NEK10: variants seen among roughly 807,000 people sequenced by gnomAD.
NEK10 encodes the protein serine/threonine-protein kinase Nek10.
NEK10 carries 122 observed loss-of-function variants against 159.8 expected under a neutral mutation model. That is an observed-to-expected ratio of 0.76 (90% CI 0.66 to 0.89). The LOEUF (loss-of-function observed/expected upper bound fraction) is 0.89. Ranked by LOEUF, NEK10 falls within the 40% of genes least tolerant of loss-of-function variation. The probability of loss-of-function intolerance (pLI) is 0.00; values close to 1 mark genes in which losing one functional copy is unlikely to be tolerated. For missense variants in NEK10, 1,342 were observed against 1,323.1 expected, an observed-to-expected ratio of 1.01 and a Z score of -0.22; for synonymous variants, 466 against 457.1, an observed-to-expected ratio of 1.02 and a Z score of -0.25.
At chr3:27,322,004 G>A (rs1041033399) in intron 6 of NEK10, among the ~76,000 whole-genome samples, 173 bp downstream of exon 6, 6 of 152,266 alleles carry the variant, frequency 3.9e-5, no homozygotes, top group Admixed American at 1.3e-4. Flanking sequence ...CCATTAAAGC[G>A]CTCCTCTCAA....
chr3:27,141,394 T>A (rs1943771788), intron 31 of NEK10, 88 bp downstream of exon 31: 7 of 962,096 alleles, frequency 7.3e-6, no homozygotes, highest in Middle Eastern at 2.2e-4. Context: ...AAGAATTCAA[T>A]CTAAAGTCCT....
At chr3:27,191,018 C>A (rs1949064663) in intron 26 of NEK10, among the ~76,000 whole-genome samples, 1 of 152,172 alleles carries the variant, frequency 6.6e-6, no homozygotes, top group African/African-American at 2.4e-5. Context: ...GAAAGAGTTT[C>A]CTTCCCAAAT....
chr3:27,259,629 G>GTA (rs1285767064), intron 22 of NEK10, among the ~76,000 whole-genome samples: 7 of 152,278 alleles, frequency 4.6e-5, no homozygotes, highest in African/African-American at 1.7e-4. Flanking sequence ...TAGCCTTGTA[G>GTA]TATAGTTTGA....
At chr3:27,159,816 T>A (rs1945840437) in intron 30 of NEK10, among the ~76,000 whole-genome samples, 1 of 151,860 alleles carries the variant, frequency 6.6e-6, no homozygotes, top group South Asian at 2.1e-4. Flanking sequence ...GTTCAGCTTT[T>A]AGGAGTACCA....
intron 23 of NEK10, among the ~76,000 whole-genome samples, chr3:27,219,874 T>A (rs1006254174): frequency 6.6e-6 from 1 of 152,164 alleles, no homozygotes; most frequent in Non-Finnish European, 1.5e-5. Context: ...GTTCAGTAAG[T>A]TTATAGTACA....
intron 10 of NEK10, among the ~76,000 whole-genome samples, chr3:27,308,656 T>G (rs970862139): frequency 6.6e-6 from 1 of 152,134 alleles, no homozygotes; most frequent in African/African-American, 2.4e-5. Context: ...TTATGGTAAT[T>G]TTGAAATTAG....
chr3:27,364,348 TTGTGTGTGTGTGTGTGTGTGTGTG>T lies in NEK10; in HGVS notation c.-38+4853_-38+4876del, dbSNP rs4016621. The stretch of plus-strand genomic sequence containing the variant: ...GGCGCCCACCACCATGCCTGGCTAA[TTGTGTGTGTGTGTGTGTGTGTGTG>T]TGTGTGTGTGTGTGTGTGTGTGTGT... On this transcript the variant is annotated intron_variant, in intron 1 of 35. Transcript: ENST00000691995. Among the ~76,000 whole-genome samples, 43 of 120,658 alleles carry T rather than the reference TTGTGTGTGTGTGTGTGTGTGTGTG, an allele frequency of 3.6e-4. 1 individual carries two copies. Among genetic ancestry groups the T allele is most frequent in the Middle Eastern group, 4.3e-3 (1 of 234 alleles). 79.2% of individuals were successfully genotyped at this position (120,658 alleles called of 152,430 possible).
chr3:27,143,388 G>C (rs1943973012), intron 30 of NEK10: 4 of 694,840 alleles, frequency 5.8e-6, no homozygotes, highest in East Asian at 2.6e-5. Context: ...ACATGGCAAA[G>C]AGTTCTTAGA....
rs563400577 is a variant in NEK10 at position 27,303,782 on chromosome 3, C to G, written c.1028+965G>C. On this transcript the variant is annotated intron_variant, in intron 12 of 35. Transcript: ENST00000691995. ...AATATCGCTGGAAGCATAACAAATA[C>G]AAAGTCATAACAACATTGATTTGAT... Among the ~76,000 whole-genome samples the G allele has an allele frequency of 1.2e-4, 18 of 152,236 alleles. No individual in the cohort carries two copies. The South Asian group carries it at 3.3e-3, about 28-fold the overall frequency.
chr3:27,268,444 A>G (rs1040081276), intron 22 of NEK10, among the ~76,000 whole-genome samples: 3 of 152,200 alleles, frequency 2.0e-5, no homozygotes, highest in Admixed American at 1.3e-4. Flanking sequence ...GCAGCTGGTA[A>G]TTAAGTTGAA....
At chr3:27,284,502 A>C (rs1054414074) in intron 22 of NEK10, 100 bp downstream of exon 22, 8 of 703,516 alleles carry the variant, frequency 1.1e-5, no homozygotes, top group Non-Finnish European at 2.0e-5. Flanking sequence ...GCATAGACAA[A>C]GAACATTCCC....
At chr3:27,214,939 C>T (rs1431415477) in intron 23 of NEK10, 1 of 946,216 alleles carries the variant, frequency 1.1e-6, no homozygotes, top group South Asian at 1.3e-5. Flanking sequence ...GAAGACAATT[C>T]CTAATCCAAA....
At chr3:27,298,011 G>T (rs1247353770) in intron 13 of NEK10, among the ~76,000 whole-genome samples, 1 of 152,128 alleles carries the variant, frequency 6.6e-6, no homozygotes, top group Non-Finnish European at 1.5e-5. Context: ...TTTTACATAA[G>T]CAAAACTGGA....
intron 3 of NEK10, among the ~76,000 whole-genome samples, chr3:27,349,667 T>G (rs2047827749): frequency 6.6e-6 from 1 of 152,176 alleles, no homozygotes; most frequent in South Asian, 2.1e-4. Flanking sequence ...TGGCTCTAAA[T>G]GTGGAGGAAG....
chr3:27,326,028 C>T (rs967188744), intron 5 of NEK10, among the ~76,000 whole-genome samples: 8 of 152,192 alleles, frequency 5.3e-5, no homozygotes, highest in Admixed American at 3.3e-4. Context: ...CAGAATTATC[C>T]AAGGCCACAT....
intron 31 of NEK10, among the ~76,000 whole-genome samples, chr3:27,137,511 C>CT (rs1266177294): frequency 6.6e-6 from 1 of 152,128 alleles, no homozygotes; most frequent in Non-Finnish European, 1.5e-5. Context: ...GTTAAGAATG[C>CT]TTTTTCCATA....
intron 23 of NEK10, chr3:27,206,577 T>A: frequency 1.0e-6 from 1 of 984,366 alleles, no homozygotes; most frequent in South Asian, 4.7e-5. Context: ...CTTTACTCTC[T>A]CCTTGGATAA....
At chr3:27,251,639 A>G (rs371721850) in intron 23 of NEK10, among the ~76,000 whole-genome samples, 2 of 152,212 alleles carry the variant, frequency 1.3e-5, no homozygotes, top group South Asian at 2.1e-4. Context: ...TGAACCAGTT[A>G]AACCTCTTTT....
intron 23 of NEK10, among the ~76,000 whole-genome samples, chr3:27,245,837 T>C (rs1321978644): frequency 6.6e-6 from 1 of 152,122 alleles, no homozygotes; most frequent in Non-Finnish European, 1.5e-5. Context: ...CAGAAAAACA[T>C]GTTAAAGTAA....
Sources: allele counts gnomAD v4.1 joint callset (sites outside exome capture counted in the v4.1 genomes callset), GRCh38; gene constraint gnomAD v4.1.1; transcripts MANE v1.5; gene names NCBI Gene and HGNC (gene_info 2026-07-23, HGNC 2026-07-21).